Variants in ADCY5 observed in about 807,000 individuals in gnomAD.
The protein encoded by ADCY5 is adenylate cyclase 5, also known as adenylate cyclase type 5.
A neutral mutation model predicts 119.7 loss-of-function variants in ADCY5; 30 were observed. That is an observed-to-expected ratio of 0.25 (90% CI 0.19 to 0.34). The LOEUF (loss-of-function observed/expected upper bound fraction) is 0.34. Ranked by LOEUF, ADCY5 falls within the 10% of genes least tolerant of loss-of-function variation. The probability of loss-of-function intolerance (pLI) is 1.00; values close to 1 mark genes in which losing one functional copy is unlikely to be tolerated. For synonymous variants in ADCY5, 753 were observed against 762.2 expected (o/e 0.99, Z 0.20); for missense variants, 1,324 against 1,775.2 (o/e 0.75, Z 4.57).
chr3:123,426,056 C>T (rs1945400979), intron 1 of ADCY5, among the ~76,000 whole-genome samples: 1 of 152,188 alleles, frequency 6.6e-6, no homozygotes, highest in Admixed American at 6.5e-5. Context: ...GGGCTTTGTA[C>T]AGTCCCTGTG....
rs1219417310 is a variant in ADCY5 at position 123,361,764 on chromosome 3, A to C, written c.1135-9183T>G. 3.9e-5 allele frequency among the ~76,000 whole-genome samples: 6 copies of C among 152,216 alleles called. No homozygotes were observed. The East Asian group carries it at 1.2e-3, about 29-fold the overall frequency. ...TAATGAGGTATCTTGGAGATGGTAC[A>C]CAAGTCTAAACATGAAATTCATTTA... On this transcript the variant is annotated intron_variant, in intron 1 of 20. Transcript: ENST00000462833.
At chr3:123,439,711 G>C (rs985632344) in intron 1 of ADCY5, among the ~76,000 whole-genome samples, 6 of 152,150 alleles carry the variant, frequency 3.9e-5, no homozygotes, top group Admixed American at 3.9e-4. Context: ...GCCCTCCAAG[G>C]GACACATTTA....
At chr3:123,334,027 C>G (rs562641266) in intron 3 of ADCY5, among the ~76,000 whole-genome samples, 8 of 152,260 alleles carry the variant, frequency 5.3e-5, no homozygotes, top group Non-Finnish European at 1.0e-4. Context: ...CTTGTGTTCC[C>G]TAAGTTGAAA....
At chr3:123,445,209 A>G (rs1429869241) in intron 1 of ADCY5, among the ~76,000 whole-genome samples, 3 of 152,236 alleles carry the variant, frequency 2.0e-5, no homozygotes, top group Non-Finnish European at 2.9e-5. Flanking sequence ...AGTGGGTAAA[A>G]GAACAGGGTA....
chr3:123,292,926 T>C (rs1177292776), intron 17 of ADCY5, among the ~76,000 whole-genome samples: 1 of 152,058 alleles, frequency 6.6e-6, no homozygotes, highest in East Asian at 1.9e-4. Context: ...CAGCCCAAAG[T>C]GTCAGACAGA....
chr3:123,354,949 T>A (rs911093862), intron 1 of ADCY5, among the ~76,000 whole-genome samples: 1 of 152,184 alleles, frequency 6.6e-6, no homozygotes, highest in African/African-American at 2.4e-5. Context: ...GGAAGGGAAG[T>A]CCCTTAATCT....
At chr3:123,396,420 A>T (rs1326408461) in intron 1 of ADCY5, among the ~76,000 whole-genome samples, 1 of 129,230 alleles carries the variant, frequency 7.7e-6, no homozygotes, top group Non-Finnish European at 1.6e-5. Flanking sequence ...AGAGAGAGAG[A>T]GGGAGGGAGG....
chr3:123,394,573 T>C (rs1465866978), intron 1 of ADCY5, among the ~76,000 whole-genome samples: 3 of 152,102 alleles, frequency 2.0e-5, no homozygotes, highest in East Asian at 1.9e-4. Flanking sequence ...AGTTTAGAAA[T>C]AGCAAACTGG....
intron 1 of ADCY5, among the ~76,000 whole-genome samples, chr3:123,425,344 ATCCCTCGGGTG>A (rs1945384730): frequency 6.6e-6 from 1 of 152,108 alleles, no homozygotes; most frequent in Admixed American, 6.5e-5. Context: ...CCCTCGCCAG[ATCCCTCGGGTG>A]TCCCATTTGA....
intron 12 of ADCY5, among the ~76,000 whole-genome samples, chr3:123,311,721 A>C (rs1170253157): frequency 6.6e-6 from 1 of 152,136 alleles, no homozygotes; most frequent in African/African-American, 2.4e-5. Context: ...TAAGCCACTA[A>C]AATTCTTTAC....
chr3:123,386,987 T>C (rs1333581815), intron 1 of ADCY5, among the ~76,000 whole-genome samples: 1 of 152,158 alleles, frequency 6.6e-6, no homozygotes, highest in African/African-American at 2.4e-5. Context: ...CATAAGAAAG[T>C]GCTGGACCTT....
chr3:123,345,185 G>A (rs1027541365), intron 3 of ADCY5, among the ~76,000 whole-genome samples: 6 of 152,228 alleles, frequency 3.9e-5, no homozygotes, highest in African/African-American at 1.4e-4. Context: ...CACCCTTGCT[G>A]GAGGGCTGGG....
At chr3:123,318,178 T>A in intron 10 of ADCY5, 61 bp from the exon 11 acceptor site, 1 of 1,367,234 alleles carries the variant, frequency 7.3e-7, no homozygotes. Context: ...GCTCCAGCCC[T>A]GTCAATCCCA....
At chr3:123,420,658 G>A (rs544151446) in intron 1 of ADCY5, among the ~76,000 whole-genome samples, 3 of 152,292 alleles carry the variant, frequency 2.0e-5, no homozygotes, top group Admixed American at 6.5e-5. Flanking sequence ...GTTTGTCCCT[G>A]GGGGGTAACA....
intron 1 of ADCY5, among the ~76,000 whole-genome samples, chr3:123,442,177 CT>C (rs921132343): frequency 2.6e-5 from 4 of 152,124 alleles, no homozygotes; most frequent in African/African-American, 9.7e-5. Flanking sequence ...CCAGAGCAAA[CT>C]TTTCTTTCTC....
intron 1 of ADCY5, among the ~76,000 whole-genome samples, chr3:123,392,295 T>G (rs1944420911): frequency 6.6e-6 from 1 of 152,222 alleles, no homozygotes; most frequent in Admixed American, 6.5e-5. Context: ...TGTCTATGGC[T>G]TTATGATCAC....
At chr3:123,435,638 A>G (rs566141125) in intron 1 of ADCY5, among the ~76,000 whole-genome samples, 1 of 152,066 alleles carries the variant, frequency 6.6e-6, no homozygotes, top group African/African-American at 2.4e-5. Context: ...CTGCCACCTT[A>G]TAACAGCAGC....
chr3:123,396,735 A>AAGGG (rs2107599568), intron 1 of ADCY5, among the ~76,000 whole-genome samples: 3 of 9,426 alleles, frequency 3.2e-4, no homozygotes, highest in Non-Finnish European at 5.3e-4. Context: ...GGGAGGAAGG[A>AAGGG]AGGAAGGAAG....
chr3:123,289,994 G>A, intron 18 of ADCY5, 40 bp from the exon 19 acceptor site: 3 of 1,600,676 alleles, frequency 1.9e-6, no homozygotes, highest in South Asian at 1.1e-5. Context: ...CCCAAGCCTG[G>A]GACACCGAGG....
Sources: gnomAD v4.1 joint callset for allele counts (sites outside exome capture counted in the v4.1 genomes callset) on GRCh38, gnomAD v4.1.1 for gene constraint, MANE v1.5 for transcripts, NCBI Gene and HGNC (gene_info 2026-07-23, HGNC 2026-07-21) for gene names.